AKAP19: variants seen among roughly 807,000 people sequenced by gnomAD.
AKAP19 encodes the protein small A-kinase anchoring protein.
the AKAP19 span, among the ~76,000 whole-genome samples, chr2:190,013,505 G>GTATT: frequency 7.1e-4 from 108 of 151,190 alleles, no homozygotes; most frequent in East Asian, 1.2e-3. Flanking sequence ...TTGTTTATTT[G>GTATT]TATTTATTTA....
chr2:190,185,009 A>AC, the AKAP19 span, among the ~76,000 whole-genome samples: 1 of 152,218 alleles, frequency 6.6e-6, no homozygotes, highest in Admixed American at 6.5e-5. Flanking sequence ...GAAACTTTAA[A>AC]TGGCAAAATT....
At chr2:189,940,278 CAAA>C in the AKAP19 span, among the ~76,000 whole-genome samples, 2 of 109,470 alleles carry the variant, frequency 1.8e-5, no homozygotes. Flanking sequence ...GACTTCATCT[CAAA>C]AAAAAAAAAA....
chr2:189,891,196 T>C, the AKAP19 span, among the ~76,000 whole-genome samples: 3 of 151,708 alleles, frequency 2.0e-5, no homozygotes, highest in African/African-American at 7.3e-5. Context: ...AGATATGAAA[T>C]TCTAGGTTGA....
chr2:190,125,616 C>G, the AKAP19 span, among the ~76,000 whole-genome samples: 1 of 152,110 alleles, frequency 6.6e-6, no homozygotes, highest in Non-Finnish European at 1.5e-5. Context: ...TCCTACAATT[C>G]CGTTTATGAA....
the AKAP19 span, among the ~76,000 whole-genome samples, chr2:189,898,512 C>G: frequency 6.6e-6 from 1 of 152,114 alleles, no homozygotes; most frequent in African/African-American, 2.4e-5. Context: ...TTTCATTTCC[C>G]AGTGTGCCCA....
At chr2:190,175,000 T>TTACGTAGAG in the AKAP19 span, among the ~76,000 whole-genome samples, 2 of 65,178 alleles carry the variant, frequency 3.1e-5, no homozygotes, top group South Asian at 6.1e-4. Flanking sequence ...GATACATAGA[T>TTACGTAGAG]TACATGGAGT....
chr2:189,946,616 T>A, the AKAP19 span, among the ~76,000 whole-genome samples: 7 of 152,228 alleles, frequency 4.6e-5, no homozygotes, highest in Non-Finnish European at 7.3e-5. Context: ...CATTAAAACA[T>A]TTTTAGTCCC....
chr2:190,075,859 TAA>T, the AKAP19 span, among the ~76,000 whole-genome samples: 1 of 152,148 alleles, frequency 6.6e-6, no homozygotes, highest in African/African-American at 2.4e-5. Flanking sequence ...TGATTTGGTT[TAA>T]GTTTAGTGTT....
the AKAP19 span, among the ~76,000 whole-genome samples, chr2:190,198,514 G>A: frequency 6.6e-6 from 1 of 151,362 alleles, no homozygotes; most frequent in South Asian, 2.1e-4. Flanking sequence ...GTGCCTGCAG[G>A]CCAGCTACTC....
the AKAP19 span, among the ~76,000 whole-genome samples, chr2:190,011,614 G>A: frequency 6.6e-6 from 1 of 152,164 alleles, no homozygotes; most frequent in African/African-American, 2.4e-5. Context: ...AAAATACAGT[G>A]TGAGATAAGG....
chr2:190,132,317 A>G, the AKAP19 span, among the ~76,000 whole-genome samples: 1 of 152,226 alleles, frequency 6.6e-6, no homozygotes, highest in Non-Finnish European at 1.5e-5. Context: ...TGGAACCACA[A>G]GAGACCCTGA....
At chr2:190,060,684 C>A in the AKAP19 span, among the ~76,000 whole-genome samples, 1 of 151,948 alleles carries the variant, frequency 6.6e-6, no homozygotes, top group African/African-American at 2.4e-5. Flanking sequence ...TTCCAGAGAA[C>A]TATGGACAAA....
At chr2:190,065,467 A>T in the AKAP19 span, among the ~76,000 whole-genome samples, 1 of 152,194 alleles carries the variant, frequency 6.6e-6, no homozygotes, top group Non-Finnish European at 1.5e-5. Flanking sequence ...ATTTACCACA[A>T]TTTTAAAAGG....
the AKAP19 span, among the ~76,000 whole-genome samples, chr2:189,937,464 G>A: frequency 2.0e-5 from 3 of 151,930 alleles, no homozygotes; most frequent in Admixed American, 1.3e-4. Context: ...AGAGAGCACC[G>A]AGATCATCAC....
the AKAP19 span, among the ~76,000 whole-genome samples, chr2:190,098,893 C>T: frequency 6.6e-6 from 1 of 152,230 alleles, no homozygotes; most frequent in African/African-American, 2.4e-5. Flanking sequence ...CTGCTTCTTT[C>T]CTTAAACCTC....
At chr2:189,886,278 A>C in the AKAP19 span, among the ~76,000 whole-genome samples, 1 of 152,160 alleles carries the variant, frequency 6.6e-6, no homozygotes, top group Admixed American at 6.5e-5. Context: ...GAGTGAGAAA[A>C]CAATTAATAT....
chr2:189,942,479 C>T, the AKAP19 span, among the ~76,000 whole-genome samples: 1 of 152,120 alleles, frequency 6.6e-6, no homozygotes, highest in South Asian at 2.1e-4. Context: ...GCAGAACAGC[C>T]TAACACAGAA....
chr2:190,135,713 C>G, the AKAP19 span, among the ~76,000 whole-genome samples: 3 of 152,112 alleles, frequency 2.0e-5, no homozygotes, highest in Admixed American at 6.5e-5. Flanking sequence ...ATAATGGTAT[C>G]TATTTCAAGA....
At chr2:189,959,979 A>G in the AKAP19 span, among the ~76,000 whole-genome samples, 2 of 152,172 alleles carry the variant, frequency 1.3e-5, no homozygotes, top group South Asian at 2.1e-4. Context: ...TATTCTTTGT[A>G]TAGGGAAACA....
Sources: gnomAD v4.1 joint callset for allele counts (sites outside exome capture counted in the v4.1 genomes callset) on GRCh38, gnomAD v4.1.1 for gene constraint, MANE v1.5 for transcripts, NCBI Gene and HGNC (gene_info 2026-07-23, HGNC 2026-07-21) for gene names.